SUGCT: variants seen among roughly 807,000 people sequenced by gnomAD.
SUGCT encodes the protein succinyl-CoA:glutarate CoA-transferase.
SUGCT carries 41 observed loss-of-function variants against 55.0 expected under a neutral mutation model. The ratio of observed to expected loss-of-function variants is 0.74; its 90% CI spans 0.58 to 0.97. The LOEUF (loss-of-function observed/expected upper bound fraction) is 0.97, where lower values mean the gene tolerates loss of function less well. SUGCT is among the 50% of genes least tolerant of loss of function. The probability of loss-of-function intolerance (pLI) is 0.00; values close to 1 mark genes in which losing one functional copy is unlikely to be tolerated. For missense variants in SUGCT, 568 were observed against 547.8 expected, an observed-to-expected ratio of 1.04 and a Z score of -0.37; for synonymous variants, 187 against 200.4, an observed-to-expected ratio of 0.93 and a Z score of 0.56.
chr7:40,340,106 T>C (rs998900998), intron 9 of SUGCT, among the ~76,000 whole-genome samples: 1 of 152,194 alleles, frequency 6.6e-6, no homozygotes, highest in African/African-American at 2.4e-5. Flanking sequence ...ATGGTAAGGA[T>C]AGTGAAATTA....
intron 3 of SUGCT, among the ~76,000 whole-genome samples, chr7:40,186,244 C>G (rs1159661206): frequency 6.9e-6 from 1 of 144,542 alleles, no homozygotes; most frequent in African/African-American, 2.6e-5. Flanking sequence ...TCCCTTCTCC[C>G]CTTTCCTCCT....
At chr7:40,135,261 G>A (rs1787617470) in intron 1 of SUGCT, 141 bp downstream of exon 1, 3 of 1,109,350 alleles carry the variant, frequency 2.7e-6, no homozygotes, top group Non-Finnish European at 1.2e-6. Context: ...CTGCAACCCC[G>A]TTCCGTGGGC....
intron 9 of SUGCT, among the ~76,000 whole-genome samples, chr7:40,416,658 A>G (rs942157943): frequency 6.6e-6 from 1 of 151,932 alleles, no homozygotes; most frequent in Non-Finnish European, 1.5e-5. Flanking sequence ...TCTTGCGAAT[A>G]TTGATTTAAT....
rs566595623 is a variant in SUGCT at position 40,443,063 on chromosome 7, T to C, written c.817-6224T>C. ...CAAAGGACATGAACTCATCCTTTTTTATGGCTGCATAGTATTCCATGGTGT... is the reference window on the plus strand; with the variant it reads ...CAAAGGACATGAACTCATCCTTTTTCATGGCTGCATAGTATTCCATGGTGT... On this transcript the variant is annotated intron_variant, in intron 9 of 13. Coordinates refer to ENST00000335693, the MANE Select transcript of SUGCT (RefSeq NM_001193313.2). 7.9e-5 allele frequency among the ~76,000 whole-genome samples: 12 copies of C among 152,308 alleles called. No individual in the cohort carries two copies. The South Asian group carries it at 2.5e-3, about 32-fold the overall frequency.
At chr7:40,580,841 T>C (rs989917944) in intron 12 of SUGCT, among the ~76,000 whole-genome samples, 12 of 152,206 alleles carry the variant, frequency 7.9e-5, no homozygotes, top group Admixed American at 7.2e-4. Context: ...GTGACATGTA[T>C]AGGTTTGTAG....
intron 9 of SUGCT, among the ~76,000 whole-genome samples, chr7:40,379,302 T>C (rs948389763): frequency 1.3e-5 from 2 of 152,210 alleles, no homozygotes; most frequent in Admixed American, 6.5e-5. Context: ...TAGTTTGTTA[T>C]GGCAACCTTA....
At chr7:40,399,919 T>A (rs1785967697) in intron 9 of SUGCT, among the ~76,000 whole-genome samples, 1 of 152,094 alleles carries the variant, frequency 6.6e-6, no homozygotes, top group South Asian at 2.1e-4. Context: ...TGTGGTGATA[T>A]GTGGCTGTAA....
At chr7:40,256,267 A>G (rs1051264770) in intron 7 of SUGCT, among the ~76,000 whole-genome samples, 1 of 152,202 alleles carries the variant, frequency 6.6e-6, no homozygotes, top group Non-Finnish European at 1.5e-5. Flanking sequence ...CCAGATACAG[A>G]TGAAATTTCA....
At chr7:40,509,543 C>T (rs979554503) in intron 12 of SUGCT, among the ~76,000 whole-genome samples, 5 of 152,128 alleles carry the variant, frequency 3.3e-5, no homozygotes, top group African/African-American at 1.2e-4. Flanking sequence ...TGAAGTCCAG[C>T]GGGTAGGCAA....
chr7:40,359,761 G>A (rs1342505087), intron 9 of SUGCT, among the ~76,000 whole-genome samples: 1 of 152,154 alleles, frequency 6.6e-6, no homozygotes, highest in Non-Finnish European at 1.5e-5. Context: ...AGATTGTGGA[G>A]ATTAAATGAG....
chr7:40,786,954 T>C (rs766331880), intron 13 of SUGCT, among the ~76,000 whole-genome samples: 3 of 152,246 alleles, frequency 2.0e-5, no homozygotes, highest in African/African-American at 7.2e-5. Context: ...ATGTCAGCCC[T>C]GGTGAAAACC....
chr7:40,711,466 T>C (rs770073883), intron 12 of SUGCT, among the ~76,000 whole-genome samples: 9 of 151,986 alleles, frequency 5.9e-5, no homozygotes. Context: ...CCCACCACTG[T>C]ACTCCAGCCT....
chr7:40,800,058 C>T (rs1343040915), intron 13 of SUGCT, among the ~76,000 whole-genome samples: 1 of 152,156 alleles, frequency 6.6e-6, no homozygotes, highest in Non-Finnish European at 1.5e-5. Context: ...CGTTTGTTTT[C>T]ATTTCTGACA....
At chr7:41,037,190 C>A in the SUGCT span, among the ~76,000 whole-genome samples, 1 of 152,206 alleles carries the variant, frequency 6.6e-6, no homozygotes, top group South Asian at 2.1e-4. Flanking sequence ...TTTACCTTGC[C>A]AACCAAGGGC....
chr7:40,843,936 T>C (rs532748403), intron 13 of SUGCT, among the ~76,000 whole-genome samples: 1 of 152,198 alleles, frequency 6.6e-6, no homozygotes, highest in African/African-American at 2.4e-5. Context: ...CTTGACCTCT[T>C]TGCAAGACTT....
intron 8 of SUGCT, among the ~76,000 whole-genome samples, chr7:40,291,921 C>G (rs1793805745): frequency 6.6e-6 from 1 of 152,168 alleles, no homozygotes; most frequent in Admixed American, 6.5e-5. Flanking sequence ...AACAGATTCT[C>G]ACTTGAGAGC....
intron 6 of SUGCT, among the ~76,000 whole-genome samples, chr7:40,210,891 G>T (rs950252766): frequency 1.3e-5 from 2 of 152,146 alleles, no homozygotes; most frequent in African/African-American, 2.4e-5. Flanking sequence ...AATGAGTCAG[G>T]GTGGTGTAGG....
chr7:40,905,166 G>A, the SUGCT span, among the ~76,000 whole-genome samples: 1 of 152,058 alleles, frequency 6.6e-6, no homozygotes, highest in South Asian at 2.1e-4. Context: ...TAAACTATTC[G>A]TATTGAGTAA....
chr7:40,560,564 G>A (rs114790200), intron 12 of SUGCT, among the ~76,000 whole-genome samples: 1 of 152,290 alleles, frequency 6.6e-6, no homozygotes, highest in African/African-American at 2.4e-5. Flanking sequence ...GTACCTTAAG[G>A]TGAAATCCAA....
Sources: allele counts gnomAD v4.1 joint callset (sites outside exome capture counted in the v4.1 genomes callset), GRCh38; gene constraint gnomAD v4.1.1; transcripts MANE v1.5; gene names NCBI Gene and HGNC (gene_info 2026-07-23, HGNC 2026-07-21).